The following RETREG2 variants were observed in gnomAD, a reference collection of about 807,000 sequenced individuals.
RETREG2 encodes the protein reticulophagy regulator 2.
RETREG2 carries 21 observed loss-of-function variants against 51.6 expected under a neutral mutation model. That is an observed-to-expected ratio of 0.41 (90% CI 0.29 to 0.59). The LOEUF is 0.59. Ranked by LOEUF, RETREG2 falls within the 20% of genes least tolerant of loss-of-function variation. The pLI is 0.34. For synonymous variants in RETREG2, 339 were observed against 288.6 expected, an observed-to-expected ratio of 1.17 and a Z score of -1.77; for missense variants, 674 against 646.0, an observed-to-expected ratio of 1.04 and a Z score of -0.47.
chr2:219,178,795 G>C (rs1419470562), intron 1 of RETREG2, 127 bp from the exon 2 acceptor site: 3 of 1,125,690 alleles, frequency 2.7e-6, no homozygotes, highest in African/African-American at 1.6e-5. Flanking sequence ...TTCTATCTCT[G>C]AGTCGTGAGT....
Position 219,179,748 on chromosome 2 carries a change from A to C in RETREG2, c.404A>C (p.Glu135Ala). The C allele has an allele frequency of 6.2e-7, 1 of 1,614,078 alleles. No individual in the cohort carries two copies. Among genetic ancestry groups the C allele is most frequent in the Non-Finnish European group, 8.5e-7 (1 of 1,179,968 alleles). The change falls in exon 3 of 9, where the codon GAG becomes GCG. Residue 135 changes from glutamate to alanine, a missense_variant. Glu to Ala is a moderately radical substitution (Grantham distance 107, BLOSUM62 -1). Transcript: ENST00000430297. Reference protein sequence around the residue: ...LPDVSASSPEEPHSDSEGAGS... With the variant: ...LPDVSASSPEAPHSDSEGAGS... The stretch of plus-strand genomic sequence containing the variant: ...CTCTCTCTAGCATCATCCCCAGAGG[A>C]GCCACACTCTGACAGGTGAGTACAG...
rs1204542578 is a variant in RETREG2 at position 219,183,360 on chromosome 2, CTT to C, written c.*732_*733del. 2 of 152,372 alleles carry C rather than the reference CTT, an allele frequency of 1.3e-5. No homozygotes were observed. Among genetic ancestry groups the C allele is most frequent in the African/African-American group, 4.8e-5 (2 of 41,466 alleles). 9.4% of individuals were successfully genotyped at this position (152,372 alleles called of 1,614,324 possible). On this transcript the variant is annotated 3_prime_UTR_variant, in exon 9 of 9. Coordinates refer to ENST00000430297, the MANE Select transcript of RETREG2 (RefSeq NM_024293.6). The stretch of plus-strand genomic sequence containing the variant: ...TGGAGTTGGTGAGCATGTGCTCTCT[CTT>C]GAGATTAGGAGCTTCCTTACTGCTC...
Position 219,179,770 on chromosome 2 carries a change from A to G in RETREG2, c.419+7A>G. The stretch of plus-strand genomic sequence containing the variant: ...AGGAGCCACACTCTGACAGGTGAGT[A>G]CAGGCCACCTCTTGAAGACAAATGC... On this transcript the variant is annotated splice_region_variant and intron_variant, in intron 3 of 8. Transcript: ENST00000430297. 6.2e-7 allele frequency: 1 copy of G among 1,613,768 alleles called. No individual in the cohort carries two copies. The highest frequency in any genetic ancestry group is 8.5e-7 in the Non-Finnish European group (1 of 1,179,680).
At chr2:219,181,892 C>G in intron 8 of RETREG2, 117 bp downstream of exon 8, 1 of 1,556,802 alleles carries the variant, frequency 6.4e-7, no homozygotes, top group Non-Finnish European at 8.7e-7. Flanking sequence ...CCTAAAAGAC[C>G]TTAACACCTA....
At position 219,181,198 on chromosome 2, in the gene RETREG2, CAA is replaced by C. The variant is rs1167067967; in HGVS notation, c.778_779del (p.Lys260GlufsTer13). ...CCAATGCCCTGCATCACAAACACGA[CAA>C]GAGGAGTAAGGGGCTGCCCTAAGCC... ...EANALHHKHD[K>X]RKRQGKNAPP... is the part of the protein sequence containing the mutation. On this transcript the variant is annotated frameshift_variant, in exon 6 of 9. Coordinates refer to ENST00000430297, the MANE Select transcript of RETREG2 (RefSeq NM_024293.6). LOFTEE classifies it high-confidence loss of function. 5.0e-6 allele frequency: 8 copies of C among 1,614,078 alleles called. No homozygotes were observed. The highest frequency in any genetic ancestry group is 5.1e-6 in the Non-Finnish European group (6 of 1,180,028).
chr2:219,178,505 C>A lies in RETREG2; in HGVS notation c.153C>A (p.Arg51=). Residue 51 remains arginine (R), a synonymous_variant, in exon 1 of 9, where the codon CGC becomes CGA. Transcript: ENST00000430297. The part of the protein sequence containing the change: ...EEAATAEAVG[R]LATTLWLRLR... ...CGGCCACGGCCGAGGCGGTGGGACGCCTGGCCACGACGCTGTGGCTGCGGC... is the reference window on the plus strand; with the variant it reads ...CGGCCACGGCCGAGGCGGTGGGACGACTGGCCACGACGCTGTGGCTGCGGC... The A allele has an allele frequency of 7.3e-7, 1 of 1,366,606 alleles. No individual in the cohort carries two copies. Among genetic ancestry groups the A allele is most frequent in the Non-Finnish European group, 9.6e-7 (1 of 1,046,948 alleles). 84.7% of individuals were successfully genotyped at this position (1,366,606 alleles called of 1,614,324 possible). A position where few individuals can be genotyped will look rare whatever the true frequency, so the allele number is the denominator to read the frequency against.
intron 4 of RETREG2, 101 bp downstream of exon 4, chr2:219,180,346 T>C: frequency 6.7e-7 from 1 of 1,498,370 alleles, no homozygotes; most frequent in Admixed American, 1.8e-5. Context: ...TTGGAGACCC[T>C]GAAAGAAGAG....
At position 219,178,532 on chromosome 2, in the gene RETREG2, C is replaced by G. The variant is rs774066878; in HGVS notation, c.180C>G (p.Leu60=). Residue 60 remains leucine, a synonymous_variant, in exon 1 of 9, where the codon CTC becomes CTG. Transcript: ENST00000430297. ...TGGCCACGACGCTGTGGCTGCGGCTCCGCGGCTGGGAGGCGGTGCTGGCGG... is the reference window on the plus strand; with the variant it reads ...TGGCCACGACGCTGTGGCTGCGGCTGCGCGGCTGGGAGGCGGTGCTGGCGG... ...GRLATTLWLR[L]RGWEAVLAAA... The G allele has an allele frequency of 1.4e-6, 2 of 1,432,910 alleles. No homozygotes were observed. The highest frequency in any genetic ancestry group is 1.5e-5 in the African/African-American group (1 of 66,596). The allele number at this position is 1,432,910 out of a possible 1,614,324, so 88.8% of individuals were successfully genotyped here. A position where few individuals can be genotyped will look rare whatever the true frequency, so the allele number is the denominator to read the frequency against.
Position 219,178,399 on chromosome 2 carries a change from C to A in RETREG2, c.47C>A (p.Pro16Gln). Residue 16 changes from proline to glutamine, a missense_variant, in exon 1 of 9, where the codon CCG becomes CAG. Coordinates refer to ENST00000430297, the MANE Select transcript of RETREG2 (RefSeq NM_024293.6). ...GGTAACACTGGCGCGGGTGGGGGGC[C>A]GGGGATGGGCCTGAGCCTGGGCCTG... is the stretch of plus-strand genomic sequence containing the variant. Reference protein sequence around the residue: ...GGGNTGAGGGPGMGLSLGLGL... With the variant: ...GGGNTGAGGGQGMGLSLGLGL... The A allele has an allele frequency of 2.0e-6, 1 of 503,874 alleles. No individual in the cohort carries two copies. The allele number at this position is 503,874 out of a possible 1,614,324, so 31.2% of individuals were successfully genotyped here. A position where few individuals can be genotyped will look rare whatever the true frequency, so the allele number is the denominator to read the frequency against.
At chr2:219,178,655 G>A in intron 1 of RETREG2, 22 bp downstream of exon 1, 1 of 1,433,596 alleles carries the variant, frequency 7.0e-7, no homozygotes, top group Non-Finnish European at 9.0e-7. Flanking sequence ...GGAGGAGGGG[G>A]CGGGGCCGGG....
In RETREG2 at chr2:219,183,095, C is replaced by A; in HGVS notation, c.*466C>A. Reference sequence around the variant, plus strand: ...TTCTGCTTTATTTCCCTGCTGTGTCCTGTCCTTAGCAGCTCAACCCCATCC... The same window carrying A: ...TTCTGCTTTATTTCCCTGCTGTGTCATGTCCTTAGCAGCTCAACCCCATCC... On this transcript the variant is annotated 3_prime_UTR_variant, in exon 9 of 9. Coordinates refer to ENST00000430297, the MANE Select transcript of RETREG2 (RefSeq NM_024293.6). 5.7e-6 allele frequency: 1 copy of A among 176,718 alleles called. No homozygotes were observed. The allele number at this position is 176,718 out of a possible 1,614,324, so 10.9% of individuals were successfully genotyped here. A position where few individuals can be genotyped will look rare whatever the true frequency, so the allele number is the denominator to read the frequency against.
rs1950266128 is a variant in RETREG2, at chr2:219,180,681, A to G, written c.567A>G (p.Arg189=). The G allele has an allele frequency of 6.2e-7, 1 of 1,613,850 alleles. No individual in the cohort carries two copies. Among genetic ancestry groups the G allele is most frequent in the Non-Finnish European group, 8.5e-7 (1 of 1,179,742 alleles). ...KRQNPAQFCV[R]VCSGCAVLAV... ...GCTCTTCTCTGCAGTTCTGCGTTCG[A>G]GTCTGCTCTGGCTGTGCTGTGTTGG... Residue 189 remains arginine, a synonymous_variant, in exon 5 of 9, where the codon CGA becomes CGG. Coordinates refer to ENST00000430297, the MANE Select transcript of RETREG2 (RefSeq NM_024293.6).
In RETREG2 at chr2:219,178,943, C is replaced by G. The variant is rs1950233163; in HGVS notation, c.303C>G (p.Leu101=). ...TAAGGTTGCTGTCTTCCTCGTCCCTCCGGCCCTTCTTCCTACTCAGCGTCT... is the reference window on the plus strand; with the variant it reads ...TAAGGTTGCTGTCTTCCTCGTCCCTGCGGCCCTTCTTCCTACTCAGCGTCT... ...GLFWLLSSSS[L]RPFFLLSVSL... is the part of the protein sequence containing the mutation. The change falls in exon 2 of 9, where the codon CTC becomes CTG. Residue 101 remains leucine, a synonymous_variant. Transcript: ENST00000430297. The G allele has an allele frequency of 1.2e-6, 2 of 1,613,724 alleles. No homozygotes were observed. Among genetic ancestry groups the G allele is most frequent in the African/African-American group, 2.7e-5 (2 of 74,904 alleles).
rs142651836 is a variant in RETREG2, at chr2:219,183,736, C to T, written c.*1107C>T. 0.011 allele frequency: 1,648 copies of T among 152,354 alleles called. 11 individuals are homozygous for T. Among genetic ancestry groups the T allele is most frequent in the African/African-American group, 0.021 (860 of 41,564 alleles). 9.4% of individuals were successfully genotyped at this position (152,354 alleles called of 1,614,324 possible). A position where few individuals can be genotyped will look rare whatever the true frequency, so the allele number is the denominator to read the frequency against. On this transcript the variant is annotated 3_prime_UTR_variant, in exon 9 of 9. Transcript: ENST00000430297. ...TATATGCAGGAGGAAATTGCTTTGT[C>T]TTCCCAATCGGTAGAAATTCGGGAC...
At chr2:219,179,105 C>T (rs1436178436) in intron 2 of RETREG2, 77 bp downstream of exon 2, 4 of 1,090,380 alleles carry the variant, frequency 3.7e-6, no homozygotes, top group East Asian at 4.7e-5. Context: ...GGTTAAGTGG[C>T]GAGGGGAACG....
At position 219,183,713 on chromosome 2, in the gene RETREG2, T is replaced by G. The variant is rs1239414854; in HGVS notation, c.*1084T>G. The stretch of plus-strand genomic sequence containing the variant: ...AGATTTAGCATGTGTGAATAAAGTA[T>G]ATGCAGGAGGAAATTGCTTTGTCTT... On this transcript the variant is annotated 3_prime_UTR_variant, in exon 9 of 9. Coordinates refer to ENST00000430297, the MANE Select transcript of RETREG2 (RefSeq NM_024293.6). 1 of 152,252 alleles carries G rather than the reference T, an allele frequency of 6.6e-6. No homozygotes were observed. 9.4% of individuals were successfully genotyped at this position (152,252 alleles called of 1,614,324 possible).
rs890973437 is a variant in RETREG2 at position 219,182,978 on chromosome 2, C to G, written c.*349C>G. On this transcript the variant is annotated 3_prime_UTR_variant, in exon 9 of 9. Coordinates refer to ENST00000430297, the MANE Select transcript of RETREG2 (RefSeq NM_024293.6). ...GTGGTCTGGCCCTTTCTTTTTCCTC[C>G]TATCCTCAGGGACCTGTGCTGCTCT... is the stretch of plus-strand genomic sequence containing the variant. The G allele has an allele frequency of 3.2e-6, 1 of 308,566 alleles. No individual in the cohort carries two copies. Among genetic ancestry groups the G allele is most frequent in the African/African-American group, 2.1e-5 (1 of 47,568 alleles). The allele number at this position is 308,566 out of a possible 1,614,324, so 19.1% of individuals were successfully genotyped here. A position where few individuals can be genotyped will look rare whatever the true frequency, so the allele number is the denominator to read the frequency against.
rs546808042 is a variant in RETREG2 at position 219,184,542 on chromosome 2, C to T, written c.*1913C>T. ...GAATCATTCTAGGGTTTGATTGAGC[C>T]CCTGTCCTGTGCCACTAAAGGAACT... On this transcript the variant is annotated 3_prime_UTR_variant, in exon 9 of 9. Transcript: ENST00000430297. The T allele has an allele frequency of 3.9e-5, 6 of 152,238 alleles. No individual in the cohort carries two copies. Among genetic ancestry groups the T allele is most frequent in the Admixed American group, 1.3e-4 (2 of 15,286 alleles). 9.4% of individuals were successfully genotyped at this position (152,238 alleles called of 1,614,324 possible).
At position 219,178,311 on chromosome 2, in the gene RETREG2, C is replaced by T. The variant is rs916570667; in HGVS notation, c.-42C>T. 37 of 389,440 alleles carry T rather than the reference C, an allele frequency of 9.5e-5. No homozygotes were observed. The highest frequency in any genetic ancestry group is 1.5e-4 in the Non-Finnish European group (33 of 220,092). The allele number at this position is 389,440 out of a possible 1,614,324, so 24.1% of individuals were successfully genotyped here. A position where few individuals can be genotyped will look rare whatever the true frequency, so the allele number is the denominator to read the frequency against. On this transcript the variant is annotated 5_prime_UTR_variant, in exon 1 of 9. Coordinates refer to ENST00000430297, the MANE Select transcript of RETREG2 (RefSeq NM_024293.6). Reference sequence around the variant, plus strand: ...CGCGCCCCCGGCGGCGGCCGCGCAGCCCTGGCTCCTCGCGGGCTCGGGCGG... The same window carrying T: ...CGCGCCCCCGGCGGCGGCCGCGCAGTCCTGGCTCCTCGCGGGCTCGGGCGG...
Sources: allele counts gnomAD v4.1 joint callset, GRCh38; gene constraint gnomAD v4.1.1; transcripts MANE v1.5; gene names NCBI Gene and HGNC (gene_info 2026-07-23, HGNC 2026-07-21).